The following ZNF714 variants were observed in gnomAD, a reference collection of about 807,000 sequenced individuals.
ZNF714 encodes the protein zinc finger protein 714.
A neutral mutation model predicts 46.2 loss-of-function variants in ZNF714; 32 were observed. The observed-to-expected ratio is 0.69, with a 90% CI of 0.52 to 0.93. The LOEUF is 0.93. Among genes scored for constraint, ZNF714 ranks in the 40% least tolerant of loss-of-function variants. The pLI, the probability that ZNF714 is intolerant of heterozygous loss-of-function variation, is 0.00. For synonymous variants in ZNF714, 199 were observed against 213.1 expected, an observed-to-expected ratio of 0.93 and a Z score of 0.58; for missense variants, 635 against 646.3, an observed-to-expected ratio of 0.98 and a Z score of 0.19.
At chr19:21,114,266 G>A (rs942601260) in intron 4 of ZNF714, among the ~76,000 whole-genome samples, 2 of 151,618 alleles carry the variant, frequency 1.3e-5, no homozygotes, top group African/African-American at 4.8e-5. Context: ...GTGAAACCTC[G>A]TCTACTAAAA....
chr19:21,110,637 C>A (rs373724185), intron 4 of ZNF714, among the ~76,000 whole-genome samples: 2 of 152,072 alleles, frequency 1.3e-5, no homozygotes, highest in African/African-American at 4.8e-5. Context: ...TTGCTTTTGA[C>A]GCTTTCCTCA....
chr19:21,100,431 C>A (rs1228442599), intron 4 of ZNF714, among the ~76,000 whole-genome samples: 1 of 151,824 alleles, frequency 6.6e-6, no homozygotes, highest in Non-Finnish European at 1.5e-5. Context: ...ACTCAGGAGG[C>A]TAAGGCAGGA....
chr19:21,097,667 C>G (rs1054291120), intron 2 of ZNF714, among the ~76,000 whole-genome samples: 2 of 151,926 alleles, frequency 1.3e-5, no homozygotes, highest in Non-Finnish European at 2.9e-5. Flanking sequence ...AACACAATCT[C>G]TTTCACTTAC....
In ZNF714 at chr19:21,110,123, C is replaced by T. The variant is rs1041384714; in HGVS notation, c.143-6684C>T. Among the ~76,000 whole-genome samples the T allele has an allele frequency of 9.2e-5, 14 of 152,090 alleles. No individual in the cohort carries two copies. In the East Asian group the frequency reaches 2.3e-3, roughly 25 times the overall value. ...TGGTATATACCCAGTATAATGGGAT[C>T]GTTGGGTCCAATAGTATATCTGGTT... On this transcript the variant is annotated intron_variant, in intron 4 of 4. Coordinates refer to ENST00000456283, the MANE Select transcript of ZNF714 (RefSeq NM_182515.4).
At chr19:21,089,632 T>G (rs1029629355) in intron 2 of ZNF714, among the ~76,000 whole-genome samples, 1 of 152,218 alleles carries the variant, frequency 6.6e-6, no homozygotes, top group Admixed American at 6.5e-5. Context: ...AGGACATGAC[T>G]GAGCACTTTG....
At chr19:21,106,508 G>T (rs1380009095) in intron 4 of ZNF714, among the ~76,000 whole-genome samples, 1 of 145,862 alleles carries the variant, frequency 6.9e-6, no homozygotes, top group Non-Finnish European at 1.5e-5. Flanking sequence ...GGCGGATGTT[G>T]TAGTGAGCCG....
chr19:21,123,810 G>T lies in ZNF714; in HGVS notation c.*5478G>T, dbSNP rs1171506365. 1 of 152,064 alleles carries T rather than the reference G, an allele frequency of 6.6e-6. No individual in the cohort carries two copies. 9.4% of individuals were successfully genotyped at this position (152,064 alleles called of 1,614,324 possible). On this transcript the variant is annotated 3_prime_UTR_variant, in exon 5 of 5. Coordinates refer to ENST00000456283, the MANE Select transcript of ZNF714 (RefSeq NM_182515.4). ...TTCTATATTGATTTTACAATTTGGA[G>T]AAATTTCTCTTATTTTTTATATTTT...
At chr19:21,089,232 CAG>C (rs1968852485) in intron 2 of ZNF714, among the ~76,000 whole-genome samples, 1 of 152,174 alleles carries the variant, frequency 6.6e-6, no homozygotes, top group African/African-American at 2.4e-5. Context: ...TTTCCCAAAA[CAG>C]GGTCTATAGT....
At chr19:21,103,908 C>T (rs1183130421) in intron 4 of ZNF714, among the ~76,000 whole-genome samples, 3 of 152,082 alleles carry the variant, frequency 2.0e-5, no homozygotes, top group Admixed American at 2.0e-4. Context: ...AGAAGCTGTA[C>T]ATTTCAGTCA....
chr19:21,104,543 A>G (rs1969267632), intron 4 of ZNF714, among the ~76,000 whole-genome samples: 1 of 64,078 alleles, frequency 1.6e-5, no homozygotes, highest in Non-Finnish European at 5.0e-5. Flanking sequence ...GGTGTTTTAA[A>G]AAAAGGTATA....
At chr19:21,103,787 T>C (rs1969244744) in intron 4 of ZNF714, among the ~76,000 whole-genome samples, 1 of 151,926 alleles carries the variant, frequency 6.6e-6, no homozygotes, top group South Asian at 2.1e-4. Flanking sequence ...TCCCAGCTAT[T>C]TGGGAGATTG....
intron 4 of ZNF714, among the ~76,000 whole-genome samples, chr19:21,110,439 G>T (rs1355780899): frequency 6.6e-6 from 1 of 152,034 alleles, no homozygotes; most frequent in Non-Finnish European, 1.5e-5. Context: ...TTTTAATGAG[G>T]TTGTTTGTTT....
rs1186774066 is a variant in ZNF714 at position 21,082,243 on chromosome 19, G to T, written c.-282G>T. The T allele has an allele frequency of 9.6e-6, 12 of 1,252,496 alleles. No homozygotes were observed. The highest frequency in any genetic ancestry group is 7.3e-5 in the African/African-American group (5 of 68,652). The allele number at this position is 1,252,496 out of a possible 1,614,324, so 77.6% of individuals were successfully genotyped here. ...TGGAGCTGCAGGTCTCGCCTTCACT[G>T]CCCTGTGTCCTCTGCTCGCAGAGGC... On this transcript the variant is annotated 5_prime_UTR_variant, in exon 1 of 5. Transcript: ENST00000456283.
rs760638774 is a variant in ZNF714, at chr19:21,117,866, A to T, written c.1202A>T (p.Glu401Val). Reference protein sequence around the residue: ...HTGEKPYKCEECGKAFNQSSN... With the variant: ...HTGEKPYKCEVCGKAFNQSSN... ...GGAGAGAAACCTTACAAATGTGAAG[A>T]ATGTGGCAAAGCTTTTAACCAATCC... Residue 401 changes from glutamate (E) to valine (V), a missense_variant, in exon 5 of 5, where the codon GAA (glutamate) becomes GTA (valine). Coordinates refer to ENST00000456283, the MANE Select transcript of ZNF714 (RefSeq NM_182515.4). 1 of 1,613,182 alleles carries T rather than the reference A, an allele frequency of 6.2e-7. No individual in the cohort carries two copies. The highest frequency in any genetic ancestry group is 1.1e-5 in the South Asian group (1 of 91,052).
Position 21,108,417 on chromosome 19 carries a change from G to GT in ZNF714, c.143-8388dup, listed in dbSNP as rs552819966. On this transcript the variant is annotated intron_variant, in intron 4 of 4. Coordinates refer to ENST00000456283, the MANE Select transcript of ZNF714 (RefSeq NM_182515.4). Reference sequence around the variant, plus strand: ...CTCATGCTGCAGTGTAATCCTCAATGTTAGATGTGAAACCTGGTGGGAGGT... The same window carrying GT: ...CTCATGCTGCAGTGTAATCCTCAATGTTTAGATGTGAAACCTGGTGGGAGGT... Among the ~76,000 whole-genome samples the GT allele has an allele frequency of 2.7e-3, 409 of 152,324 alleles. 3 individuals are homozygous for GT. The highest frequency in any genetic ancestry group is 9.4e-3 in the African/African-American group (389 of 41,574).
chr19:21,101,134 T>A (rs961002660), intron 4 of ZNF714, among the ~76,000 whole-genome samples: 13 of 152,216 alleles, frequency 8.5e-5, no homozygotes, highest in Admixed American at 8.5e-4. Context: ...TTTTGACTAA[T>A]CCTTGTGCCA....
chr19:21,102,081 C>G (rs1354211240), intron 4 of ZNF714, among the ~76,000 whole-genome samples: 2 of 152,052 alleles, frequency 1.3e-5, no homozygotes, highest in African/African-American at 4.8e-5. Context: ...AGATGTGAGC[C>G]ATGATACCTG....
At chr19:21,094,973 A>G (rs982439653) in intron 2 of ZNF714, among the ~76,000 whole-genome samples, 2 of 151,686 alleles carry the variant, frequency 1.3e-5, no homozygotes, top group African/African-American at 2.4e-5. Flanking sequence ...GCATCTGTTC[A>G]TGTTTTTTTG....
At chr19:21,095,450 C>T (rs537537937) in intron 2 of ZNF714, among the ~76,000 whole-genome samples, 9 of 139,568 alleles carry the variant, frequency 6.4e-5, no homozygotes, top group East Asian at 4.4e-4. Flanking sequence ...TGGTGATGGC[C>T]CCCTGGTGTT....
Sources: allele counts gnomAD v4.1 joint callset (sites outside exome capture counted in the v4.1 genomes callset), GRCh38; gene constraint gnomAD v4.1.1; transcripts MANE v1.5; gene names NCBI Gene and HGNC (gene_info 2026-07-23, HGNC 2026-07-21).